INTS6: variants seen among roughly 807,000 people sequenced by gnomAD.
INTS6 encodes the protein DEAD box protein.
Under a neutral mutation model 104.9 loss-of-function variants are expected in INTS6, and 16 were observed. That is an observed-to-expected ratio of 0.15 (90% CI 0.10 to 0.23). INTS6 has a LOEUF of 0.23. Ranked by LOEUF, INTS6 falls within the 10% of genes least tolerant of loss-of-function variation. The pLI, the probability that INTS6 is intolerant of heterozygous loss-of-function variation, is 1.00. For missense variants in INTS6, 584 were observed against 1,062.8 expected, an observed-to-expected ratio of 0.55 and a Z score of 6.26; for synonymous variants, 324 against 358.7, an observed-to-expected ratio of 0.90 and a Z score of 1.09.
chr13:51,384,710 G>A lies in INTS6; in HGVS notation c.895-969C>T, dbSNP rs1015199314. On this transcript the variant is annotated intron_variant, in intron 7 of 17. Coordinates refer to ENST00000311234, the MANE Select transcript of INTS6 (RefSeq NM_012141.3). ...CATATTTAACTGTCACAAAGACCTG[G>A]ATAAACTGATATCACAAATTCTAAG... 6.6e-6 allele frequency: 3 copies of A among 456,550 alleles called. No homozygotes were observed. The Admixed American group carries it at 7.0e-5, about 11-fold the overall frequency. 28.3% of individuals were successfully genotyped at this position (456,550 alleles called of 1,614,324 possible). A position where few individuals can be genotyped will look rare whatever the true frequency, so the allele number is the denominator to read the frequency against.
rs374534917 is a variant in INTS6, at chr13:51,429,942, C to T, written c.429+352G>A. On this transcript the variant is annotated intron_variant, in intron 4 of 17. Transcript: ENST00000311234. Reference sequence around the variant, plus strand: ...AGTCGCTGGACTGCCAACGACAATCCACTGAAATATAGGAAGAAATTACTA... The same window carrying T: ...AGTCGCTGGACTGCCAACGACAATCTACTGAAATATAGGAAGAAATTACTA... 4.0e-5 allele frequency among the ~76,000 whole-genome samples: 6 copies of T among 151,498 alleles called. No individual in the cohort carries two copies. The East Asian group carries it at 5.8e-4, about 15-fold the overall frequency.
At chr13:51,437,494 AAAG>A (rs1278340749) in intron 3 of INTS6, 1 of 152,266 alleles carries the variant, frequency 6.6e-6, no homozygotes, top group Non-Finnish European at 1.5e-5. Context: ...CTGTCCTACA[AAAG>A]AAGATGGCAT....
chr13:51,422,407 C>A (rs1956911420), intron 4 of INTS6, among the ~76,000 whole-genome samples: 1 of 152,150 alleles, frequency 6.6e-6, no homozygotes, highest in Non-Finnish European at 1.5e-5. Context: ...AGGGAATTCA[C>A]AGAACTCTCC....
chr13:51,434,632 A>C (rs1957154218), intron 3 of INTS6, among the ~76,000 whole-genome samples: 1 of 152,088 alleles, frequency 6.6e-6, no homozygotes, highest in Admixed American at 6.5e-5. Context: ...TTCAGGAAAA[A>C]TGTGCCCCCA....
At chr13:51,437,503 G>C (rs891916518) in intron 3 of INTS6, 2 of 151,978 alleles carry the variant, frequency 1.3e-5, no homozygotes, top group Non-Finnish European at 2.9e-5. Flanking sequence ...AAAAGAAGAT[G>C]GCATTCTATG....
At chr13:51,357,498 C>G (rs1027537798), downstream of INTS6, among the ~76,000 whole-genome samples, 1 of 152,146 alleles carries the variant, frequency 6.6e-6, no homozygotes, top group Non-Finnish European at 1.5e-5. Flanking sequence ...CCAACCACCA[C>G]AGCAAACATT....
At chr13:51,357,098 T>G (rs1955492168), downstream of INTS6, among the ~76,000 whole-genome samples, 1 of 152,300 alleles carries the variant, frequency 6.6e-6, no homozygotes, top group South Asian at 2.1e-4. Context: ...CAAAACTGAG[T>G]AGTTGAGACA....
At chr13:51,334,889 A>G in the INTS6 span, among the ~76,000 whole-genome samples, 1 of 150,934 alleles carries the variant, frequency 6.6e-6, no homozygotes, top group Non-Finnish European at 1.5e-5. Context: ...AGGCTGAGGC[A>G]GGAGAATTGC....
At chr13:51,435,718 G>A (rs1957174797) in intron 3 of INTS6, among the ~76,000 whole-genome samples, 1 of 152,054 alleles carries the variant, frequency 6.6e-6, no homozygotes, top group East Asian at 1.9e-4. Context: ...AAAATGTAGT[G>A]GAGGAGGGGC....
At position 51,383,694 on chromosome 13, in the gene INTS6, A is replaced by G. The variant is rs1566214543; in HGVS notation, c.942T>C (p.Cys314=). 3 of 1,613,932 alleles carry G rather than the reference A, an allele frequency of 1.9e-6. No homozygotes were observed. The highest frequency in any genetic ancestry group is 2.5e-6 in the Non-Finnish European group (3 of 1,179,856). ...GAAGTTTATCAATAACCATTGGTTCACAGTCTGTACAGGAAAACTTCACTA... is the reference window on the plus strand; with the variant it reads ...GAAGTTTATCAATAACCATTGGTTCGCAGTCTGTACAGGAAAACTTCACTA... ...HPVVKFSCTD[C]EPMVIDKLPF... The change falls in exon 8 of 18, where the codon TGT becomes TGC. Residue 314 remains cysteine (C), a synonymous_variant. Transcript: ENST00000311234.
intron 4 of INTS6, among the ~76,000 whole-genome samples, chr13:51,404,501 GCCTA>G (rs988052490): frequency 5.9e-5 from 9 of 152,118 alleles, no homozygotes; most frequent in African/African-American, 1.9e-4. Context: ...GAGCTGCAAA[GCCTA>G]CCTGACACCT....
At chr13:51,384,316 C>T (rs1349761107) in intron 7 of INTS6, 6 of 220,676 alleles carry the variant, frequency 2.7e-5, no homozygotes, top group South Asian at 1.3e-4. Context: ...AACCCCTGTT[C>T]TAGAGGTATA....
the INTS6 span, chr13:51,348,598 TG>T: frequency 1.8e-6 from 1 of 544,442 alleles, no homozygotes; most frequent in Middle Eastern, 2.7e-4. Context: ...GAGCCACTGC[TG>T]GCTAGCTCAC....
chr13:51,368,515 A>G (rs1955737165), intron 16 of INTS6, among the ~76,000 whole-genome samples: 1 of 152,174 alleles, frequency 6.6e-6, no homozygotes, highest in Admixed American at 6.5e-5. Context: ...TCATAACTTT[A>G]GTTTTTTGGC....
intron 4 of INTS6, among the ~76,000 whole-genome samples, chr13:51,416,726 G>C (rs181634703): frequency 5.9e-5 from 9 of 152,130 alleles, no homozygotes; most frequent in Non-Finnish European, 1.2e-4. Flanking sequence ...CATTTCTTTA[G>C]GTATATACCC....
chr13:51,340,418 G>A, the INTS6 span, among the ~76,000 whole-genome samples: 10 of 152,154 alleles, frequency 6.6e-5, no homozygotes, highest in East Asian at 1.9e-3. Flanking sequence ...TCTGATATTC[G>A]AGGTACAATT....
chr13:51,359,930 T>A (rs148994176), downstream of INTS6, among the ~76,000 whole-genome samples: 582 of 152,126 alleles, frequency 3.8e-3, 3 homozygotes, highest in African/African-American at 0.013. Context: ...TCTTTGCTGA[T>A]TTTAGGACAA....
Position 51,452,517 on chromosome 13 carries a change from G to A in INTS6, c.9C>T (p.Ile3=), listed in dbSNP as rs754818428. The A allele has an allele frequency of 1.7e-5, 27 of 1,611,138 alleles. No homozygotes were observed. The highest frequency in any genetic ancestry group is 1.7e-4 in the Middle Eastern group (1 of 6,040). Residue 3 remains isoleucine (I), a synonymous_variant, in exon 1 of 18, where the codon ATC becomes ATT. Coordinates refer to ENST00000311234, the MANE Select transcript of INTS6 (RefSeq NM_012141.3). The surrounding 1 kb of genome is among the most constrained non-coding windows in gnomAD (Gnocchi z 4.2). MP[I]LLFLIDTSAS... is the part of the protein sequence containing the mutation. Reference sequence around the variant, plus strand: ...CAGACGTGTCTATCAGGAACAGTAAGATGGGCATAGTGCTGGCCGGGGACA... The same window carrying A: ...CAGACGTGTCTATCAGGAACAGTAAAATGGGCATAGTGCTGGCCGGGGACA...
Position 51,361,634 on chromosome 13 carries a change from G to A in INTS6, c.*4118C>T. The A allele has an allele frequency of 1.6e-6, 1 of 615,316 alleles. No individual in the cohort carries two copies. The highest frequency in any genetic ancestry group is 2.2e-5 in the South Asian group (1 of 45,008). 38.1% of individuals were successfully genotyped at this position (615,316 alleles called of 1,614,324 possible). Reference sequence around the variant, plus strand: ...GTGTTGAAAACAGGAGACAGGATTGGCTAAATGGCATCTTTTCTCTTTAAT... The same window carrying A: ...GTGTTGAAAACAGGAGACAGGATTGACTAAATGGCATCTTTTCTCTTTAAT... On this transcript the variant is annotated 3_prime_UTR_variant, in exon 18 of 18. Coordinates refer to ENST00000311234, the MANE Select transcript of INTS6 (RefSeq NM_012141.3).
Sources: allele counts gnomAD v4.1 joint callset (sites outside exome capture counted in the v4.1 genomes callset), GRCh38; gene constraint gnomAD v4.1.1; non-coding constraint Gnocchi (gnomAD v3.1); transcripts MANE v1.5; gene names NCBI Gene and HGNC (gene_info 2026-07-23, HGNC 2026-07-21).